Variants in SPSB1 observed in about 807,000 individuals in gnomAD.
SPSB1 encodes SPRY domain-containing SOCS box protein 1.
Under a neutral mutation model 21.2 loss-of-function variants are expected in SPSB1, and 8 were observed. The ratio of observed to expected loss-of-function variants is 0.38; its 90% CI spans 0.22 to 0.68. SPSB1 has a LOEUF of 0.68. SPSB1 is among the 30% of genes least tolerant of loss of function. The probability of loss-of-function intolerance (pLI) is 0.53; values close to 1 mark genes in which losing one functional copy is unlikely to be tolerated. For synonymous variants in SPSB1, 169 were observed against 161.7 expected, an observed-to-expected ratio of 1.05 and a Z score of -0.34; for missense variants, 242 against 377.8, an observed-to-expected ratio of 0.64 and a Z score of 2.98.
At chr1:9,318,169 G>T (rs913259284) in intron 1 of SPSB1, among the ~76,000 whole-genome samples, 2 of 152,256 alleles carry the variant, frequency 1.3e-5, no homozygotes, top group African/African-American at 4.8e-5. Context: ...CTGACAGCAG[G>T]CAGTGGGGGA....
intron 1 of SPSB1, among the ~76,000 whole-genome samples, chr1:9,302,126 A>G (rs1023073497): frequency 2.0e-5 from 3 of 152,228 alleles, no homozygotes; most frequent in African/African-American, 4.8e-5. Context: ...TATCATGCTA[A>G]GTGGAACTAC....
At position 9,299,028 on chromosome 1, in the gene SPSB1, C is replaced by A. The variant is rs576082901; in HGVS notation, c.-150+5957C>A. Among the ~76,000 whole-genome samples, 3 of 152,360 alleles carry A rather than the reference C, an allele frequency of 2.0e-5. No homozygotes were observed. The East Asian group carries it at 5.8e-4, about 29-fold the overall frequency. On this transcript the variant is annotated intron_variant, in intron 1 of 2. Coordinates refer to ENST00000328089, the MANE Select transcript of SPSB1 (RefSeq NM_025106.4). ...GAGGCGGGGGTGGTGACCCCCACCACATCCCCATTCAACTCTCCGATTTGG... is the reference window on the plus strand; with the variant it reads ...GAGGCGGGGGTGGTGACCCCCACCAAATCCCCATTCAACTCTCCGATTTGG...
chr1:9,361,156 C>CTTTTTTTTTTTTTTTTTTT (rs57871457), intron 2 of SPSB1, among the ~76,000 whole-genome samples: 23 of 102,570 alleles, frequency 2.2e-4, no homozygotes, highest in African/African-American at 7.0e-4. Flanking sequence ...CTGTCATTTT[C>CTTTTTTTTTTTTTTTTTTT]TTTTTTTTTT....
chr1:9,339,949 T>C (rs1640062650), intron 1 of SPSB1, among the ~76,000 whole-genome samples: 1 of 152,158 alleles, frequency 6.6e-6, no homozygotes, highest in South Asian at 2.1e-4. Context: ...CTTTTCCTTC[T>C]GATGTGTGTT....
chr1:9,294,897 C>T (rs1481544570), intron 1 of SPSB1, among the ~76,000 whole-genome samples: 2 of 152,118 alleles, frequency 1.3e-5, no homozygotes, highest in Non-Finnish European at 2.9e-5. Context: ...GGTCTCTCCA[C>T]ACTGAGGAAT....
intron 1 of SPSB1, among the ~76,000 whole-genome samples, chr1:9,343,161 A>C (rs1640116039): frequency 1.3e-5 from 2 of 152,222 alleles, no homozygotes; most frequent in Admixed American, 1.3e-4. Context: ...ATAGTATACT[A>C]CCACCTCTGT....
intron 1 of SPSB1, among the ~76,000 whole-genome samples, chr1:9,330,476 C>T (rs114004713): frequency 0.48 from 72,747 of 150,408 alleles, 18,564 homozygotes; most frequent in Middle Eastern, 0.6. Context: ...AAAATAATAA[C>T]AATAATAATA....
chr1:9,323,829 C>T (rs1639766355), intron 1 of SPSB1, among the ~76,000 whole-genome samples: 1 of 152,188 alleles, frequency 6.6e-6, no homozygotes, highest in African/African-American at 2.4e-5. Flanking sequence ...TGCTGTTGCC[C>T]ACGGACGGCA....
Position 9,317,082 on chromosome 1 carries a change from G to T in SPSB1, c.-150+24011G>T, listed in dbSNP as rs72642736. 0.022 allele frequency among the ~76,000 whole-genome samples: 3,286 copies of T among 152,204 alleles called. 45 individuals carry two copies. Among genetic ancestry groups the T allele is most frequent in the South Asian group, 0.034 (165 of 4,816 alleles). ...GTGAGGGTTTGCTTCCGGTGCTCTC[G>T]CGAAGGAAAGAGAGAACTCACAAAT... On this transcript the variant is annotated intron_variant, in intron 1 of 2. Transcript: ENST00000328089. The surrounding 1 kb of genome is among the most constrained non-coding windows in gnomAD (Gnocchi z 4.3).
intron 1 of SPSB1, among the ~76,000 whole-genome samples, chr1:9,353,965 C>G (rs1160231622): frequency 6.6e-6 from 1 of 150,728 alleles, no homozygotes; most frequent in East Asian, 1.9e-4. Flanking sequence ...AAGGGGAGGG[C>G]GAGAAGCATG....
chr1:9,339,880 GCTGGTTCAGGT>G (rs2100500200), intron 1 of SPSB1, among the ~76,000 whole-genome samples: 1 of 152,314 alleles, frequency 6.6e-6, no homozygotes, highest in East Asian at 1.9e-4. Context: ...TCTAGATGTG[GCTGGTTCAGGT>G]CAGTTGTATT....
At chr1:9,297,779 C>T (rs1639249710) in intron 1 of SPSB1, among the ~76,000 whole-genome samples, 1 of 152,094 alleles carries the variant, frequency 6.6e-6, no homozygotes, top group Non-Finnish European at 1.5e-5. Flanking sequence ...GCTTAGGTTT[C>T]ATGTAGAGTT....
rs1640508459 is a variant in SPSB1 at position 9,363,314 on chromosome 1, C to T, written c.695-4134C>T. Among the ~76,000 whole-genome samples the T allele has an allele frequency of 6.6e-6, 1 of 152,112 alleles. No individual in the cohort carries two copies. The highest frequency in any genetic ancestry group is 2.4e-5 in the African/African-American group (1 of 41,412). ...GGTGACTCTGGTCCTATTTTCAGCT[C>T]ATAACACATCACTGCAGCCATTCAC... On this transcript the variant is annotated intron_variant, in intron 2 of 2. Coordinates refer to ENST00000328089, the MANE Select transcript of SPSB1 (RefSeq NM_025106.4). This position sits in a 1 kb window ranked among gnomAD's most constrained non-coding sequence, Gnocchi z 4.5.
chr1:9,295,818 G>C (rs1204283747), intron 1 of SPSB1, among the ~76,000 whole-genome samples: 1 of 152,174 alleles, frequency 6.6e-6, no homozygotes, highest in Non-Finnish European at 1.5e-5. Context: ...TGGGCATTTT[G>C]TATCAATTTT....
chr1:9,341,929 C>T (rs533050649), intron 1 of SPSB1, among the ~76,000 whole-genome samples: 3 of 152,220 alleles, frequency 2.0e-5, no homozygotes, highest in African/African-American at 4.8e-5. Context: ...CTCGAACTCC[C>T]GACCTCAGGT....
chr1:9,325,005 GGAGCCAC>G (rs1557453208), intron 1 of SPSB1, among the ~76,000 whole-genome samples: 1 of 152,198 alleles, frequency 6.6e-6, no homozygotes, highest in Non-Finnish European at 1.5e-5. Context: ...AGCCCCATTG[GGAGCCAC>G]AGCCACTCAC....
chr1:9,342,260 C>G (rs1289578151), intron 1 of SPSB1, among the ~76,000 whole-genome samples: 1 of 152,144 alleles, frequency 6.6e-6, no homozygotes, highest in Non-Finnish European at 1.5e-5. Flanking sequence ...TGGGCTGTGC[C>G]AGGCCTGTGA....
intron 1 of SPSB1, among the ~76,000 whole-genome samples, chr1:9,296,187 C>T (rs1469691925): frequency 6.6e-6 from 1 of 152,182 alleles, no homozygotes; most frequent in Non-Finnish European, 1.5e-5. Context: ...TTTCACGGTG[C>T]GTGCGAGTAC....
At position 9,356,086 on chromosome 1, in the gene SPSB1, C is replaced by G; in HGVS notation, c.195C>G (p.Val65=). The G allele has an allele frequency of 6.2e-7, 1 of 1,611,076 alleles. No individual in the cohort carries two copies. Among genetic ancestry groups the G allele is most frequent in the Non-Finnish European group, 8.5e-7 (1 of 1,177,814 alleles). The change falls in exon 2 of 3, where the codon GTC becomes GTG. Residue 65 remains valine (V), a synonymous_variant. Coordinates refer to ENST00000328089, the MANE Select transcript of SPSB1 (RefSeq NM_025106.4). The surrounding 1 kb of genome is among the most constrained non-coding windows in gnomAD (Gnocchi z 7.4). ...SWNNNDRSLN[V]FVKEDDKLIF... is the part of the protein sequence containing the mutation. ...ACAACAACGACCGATCGCTCAATGT[C>G]TTTGTGAAGGAGGACGACAAGCTCA...
Sources: gnomAD v4.1 joint callset for allele counts (sites outside exome capture counted in the v4.1 genomes callset) on GRCh38, gnomAD v4.1.1 for gene constraint, Gnocchi (gnomAD v3.1) non-coding constraint, MANE v1.5 for transcripts, NCBI Gene and HGNC (gene_info 2026-07-23, HGNC 2026-07-21) for gene names.